Variants in FLCN observed in about 807,000 individuals in gnomAD.
FLCN encodes BHD skin lesion fibrofolliculoma protein.
A neutral mutation model predicts 62.5 loss-of-function variants in FLCN; 22 were observed. That is an observed-to-expected ratio of 0.35 (90% CI 0.25 to 0.50). FLCN has a LOEUF of 0.50. Ranked by LOEUF, FLCN falls within the 20% of genes least tolerant of loss-of-function variation. The probability of loss-of-function intolerance (pLI) is 0.97; values close to 1 mark genes in which losing one functional copy is unlikely to be tolerated. For synonymous variants in FLCN, 319 were observed against 310.0 expected (o/e 1.03, Z -0.30); for missense variants, 657 against 778.0 (o/e 0.84, Z 1.85).
chr17:17,236,750 C>G (rs1481970179), intron 1 of FLCN, among the ~76,000 whole-genome samples, 162 bp downstream of exon 1: 1 of 152,170 alleles, frequency 6.6e-6, no homozygotes, highest in Non-Finnish European at 1.5e-5. Context: ...GTCCTCATCC[C>G]CATAGACTTG....
At chr17:17,227,397 G>A (rs911525846) in intron 4 of FLCN, among the ~76,000 whole-genome samples, 3 of 152,116 alleles carry the variant, frequency 2.0e-5, no homozygotes, top group Admixed American at 1.3e-4. Context: ...GAAGGCCACG[G>A]CAGGGAGGCA....
In FLCN at chr17:17,222,831, T is replaced by C. The variant is rs976566311; in HGVS notation, c.619-170A>G. Reference sequence around the variant, plus strand: ...ACCAGTCCAATCATTCCCAACAGCATAGCTCTGCCCCGGCTACATCAGGAG... The same window carrying C: ...ACCAGTCCAATCATTCCCAACAGCACAGCTCTGCCCCGGCTACATCAGGAG... On this transcript the variant is annotated intron_variant, in intron 6 of 13. Transcript: ENST00000285071. 7.9e-6 allele frequency: 6 copies of C among 758,242 alleles called. No individual in the cohort carries two copies. The East Asian group carries it at 8.1e-5, about 10-fold the overall frequency. The allele number at this position is 758,242 out of a possible 1,614,324, so 47.0% of individuals were successfully genotyped here. A position where few individuals can be genotyped will look rare whatever the true frequency, so the allele number is the denominator to read the frequency against.
intron 1 of FLCN, among the ~76,000 whole-genome samples, chr17:17,234,883 G>A (rs1248490353): frequency 1.3e-5 from 2 of 151,804 alleles, no homozygotes; most frequent in Non-Finnish European, 2.9e-5. Context: ...AGGCCGAGGT[G>A]GGCAGATCAC....
chr17:17,222,565 G>C lies in FLCN; in HGVS notation c.715C>G (p.Arg239Gly). The change falls in exon 7 of 14, where the codon CGC becomes GGC. Residue 239 changes from arginine to glycine, a missense_variant. By Grantham distance (125) the Arg-to-Gly change is moderately radical. Coordinates refer to ENST00000285071, the MANE Select transcript of FLCN (RefSeq NM_144997.7). The stretch of plus-strand genomic sequence containing the variant: ...TCACTTGTCAGCGATGTCAGCGAGC[G>C]GGCGGCGTTGCCGTTCCTCTGGTGT... Reference protein sequence around the residue: ...FLHQRNGNAARSLTSLTSDDN... With the variant: ...FLHQRNGNAAGSLTSLTSDDN... 2 of 1,614,232 alleles carry C rather than the reference G, an allele frequency of 1.2e-6. No homozygotes were observed. Among genetic ancestry groups the C allele is most frequent in the Non-Finnish European group, 1.7e-6 (2 of 1,180,052 alleles).
rs2047295138 is a variant in FLCN at position 17,227,742 on chromosome 17, TAC to T, written c.249+145_249+146del. 29 of 1,138,510 alleles carry T rather than the reference TAC, an allele frequency of 2.5e-5. No individual in the cohort carries two copies. In the South Asian group the frequency reaches 3.4e-4, roughly 14 times the overall value. The allele number at this position is 1,138,510 out of a possible 1,614,324, so 70.5% of individuals were successfully genotyped here. A position where few individuals can be genotyped will look rare whatever the true frequency, so the allele number is the denominator to read the frequency against. On this transcript the variant is annotated intron_variant, in intron 4 of 13. Transcript: ENST00000285071. Reference sequence around the variant, plus strand: ...AAACAAAACAAAACAAAACAAAAGCTACAGTCAGGATGAGCGGAAAGAACTGA... The same window carrying T: ...AAACAAAACAAAACAAAACAAAAGCTAGTCAGGATGAGCGGAAAGAACTGA...
chr17:17,223,754 G>A (rs2144967051), intron 6 of FLCN, among the ~76,000 whole-genome samples, 168 bp downstream of exon 6: 1 of 152,358 alleles, frequency 6.6e-6, no homozygotes, highest in South Asian at 2.1e-4. Flanking sequence ...GGCCTGGGAG[G>A]CTCCTCACGA....
At chr17:17,227,733 A>T (rs1370734500) in intron 4 of FLCN, among the ~76,000 whole-genome samples, 156 bp downstream of exon 4, 1 of 152,080 alleles carries the variant, frequency 6.6e-6, no homozygotes, top group Non-Finnish European at 1.5e-5. Flanking sequence ...AACAAAACAA[A>T]ACAAAAGCTA....
intron 3 of FLCN, chr17:17,228,539 C>A: frequency 3.6e-6 from 1 of 278,128 alleles, no homozygotes; most frequent in Non-Finnish European, 7.1e-6. Context: ...GGAGAGGGTC[C>A]TCCACCCAAT....
rs1454895509 is a variant in FLCN, at chr17:17,230,529, C to CA, written c.-25+1264dup. Among the ~76,000 whole-genome samples, 9 of 150,600 alleles carry CA rather than the reference C, an allele frequency of 6.0e-5. No individual in the cohort carries two copies. The South Asian group carries it at 8.4e-4, about 14-fold the overall frequency. On this transcript the variant is annotated intron_variant, in intron 3 of 13. Coordinates refer to ENST00000285071, the MANE Select transcript of FLCN (RefSeq NM_144997.7). ...TGGGCAACAAAGTGAGACTCAGTCT[C>CA]AAAAAAAACCAAAAACAACAAAAAC... is the stretch of plus-strand genomic sequence containing the variant.
chr17:17,233,425 A>G (rs930069913), intron 1 of FLCN, among the ~76,000 whole-genome samples: 2 of 151,650 alleles, frequency 1.3e-5, no homozygotes, highest in Non-Finnish European at 2.9e-5. Context: ...GTGAAACCCC[A>G]TCTCTACTAA....
At chr17:17,223,841 C>T in intron 6 of FLCN, 81 bp downstream of exon 6, 1 of 1,448,982 alleles carries the variant, frequency 6.9e-7, no homozygotes, top group Admixed American at 1.7e-5. Flanking sequence ...GCCACGCGGT[C>T]TCCAGGCCTC....
Position 17,226,231 on chromosome 17 carries a change from T to C in FLCN, c.341A>G (p.His114Arg), listed in dbSNP as rs1567822713. ...GCGGACAATGCTGAAGAGCTGGGGG[T>C]GGCTGGGGTGCTGGTGGCTGACGTA... ...IKYVSHQHPS[H>R]PQLFSIVRQA... is the part of the protein sequence containing the mutation. The change falls in exon 5 of 14, where the codon CAC becomes CGC. Residue 114 changes from histidine (H) to arginine (R), a missense_variant. His to Arg is a conservative substitution (Grantham distance 29). Coordinates refer to ENST00000285071, the MANE Select transcript of FLCN (RefSeq NM_144997.7). 6.2e-7 allele frequency: 1 copy of C among 1,613,640 alleles called. No individual in the cohort carries two copies. The highest frequency in any genetic ancestry group is 8.5e-7 in the Non-Finnish European group (1 of 1,179,980).
chr17:17,228,192 C>T lies in FLCN; in HGVS notation c.-24-31G>A, dbSNP rs545337155. ...TGGGACAGGGGACATGTCAGCTTGC[C>T]AATGCCTATTGACTCCATGAAACCT... On this transcript the variant is annotated intron_variant, in intron 3 of 13. Coordinates refer to ENST00000285071, the MANE Select transcript of FLCN (RefSeq NM_144997.7). The T allele has an allele frequency of 2.3e-5, 37 of 1,596,130 alleles. No homozygotes were observed. In the East Asian group the frequency reaches 8.1e-4, roughly 35 times the overall value.
chr17:17,218,061 C>T (rs1419301202), intron 9 of FLCN, among the ~76,000 whole-genome samples: 2 of 152,230 alleles, frequency 1.3e-5, no homozygotes, highest in Non-Finnish European at 2.9e-5. Context: ...CAGTCTCACT[C>T]CATTTTCAAA....
rs560064929 is a variant in FLCN, at chr17:17,214,497, G to A, written c.1538+488C>T. Among the ~76,000 whole-genome samples the A allele has an allele frequency of 5.3e-5, 8 of 152,216 alleles. No individual in the cohort carries two copies. In the South Asian group the frequency reaches 1.7e-3, roughly 32 times the overall value. On this transcript the variant is annotated intron_variant, in intron 13 of 13. Coordinates refer to ENST00000285071, the MANE Select transcript of FLCN (RefSeq NM_144997.7). ...TAATCCCAGCTACTCCAGAGGCTGA[G>A]GCAGAAGAATCGCTTGAACCCGGGA...
intron 7 of FLCN, 98 bp from the exon 8 acceptor site, chr17:17,221,726 G>T: frequency 7.5e-7 from 1 of 1,332,302 alleles, no homozygotes; most frequent in Non-Finnish European, 1.0e-6. Context: ...AAGAAAAAAT[G>T]GGTATAAAAG....
At chr17:17,224,169 A>G (rs760373164) in intron 5 of FLCN, 26 bp from the exon 6 acceptor site, 6 of 1,552,966 alleles carry the variant, frequency 3.9e-6, no homozygotes, top group Non-Finnish European at 5.2e-6. Context: ...CGACTCAGAC[A>G]GCCCTTTCCT....
In FLCN at chr17:17,226,266, G is replaced by A. The variant is rs762265819; in HGVS notation, c.306C>T (p.Thr102=). The A allele has an allele frequency of 1.2e-6, 2 of 1,614,156 alleles. No individual in the cohort carries two copies. Among genetic ancestry groups the A allele is most frequent in the Admixed American group, 1.7e-5 (1 of 60,020 alleles). Residue 102 remains threonine (T), a synonymous_variant, in exon 5 of 14, where the codon ACC becomes ACT. Coordinates refer to ENST00000285071, the MANE Select transcript of FLCN (RefSeq NM_144997.7). ...GCTGGTGGCTGACGTATTTAATGGA[G>A]GTCTCTTTATCATGGCTGATATATC... is the stretch of plus-strand genomic sequence containing the variant. The part of the protein sequence containing the change: ...HPGYISHDKE[T]SIKYVSHQHP...
In FLCN at chr17:17,230,844, G is replaced by A. The variant is rs1001084215; in HGVS notation, c.-25+950C>T. Among the ~76,000 whole-genome samples, 3 of 152,244 alleles carry A rather than the reference G, an allele frequency of 2.0e-5. No homozygotes were observed. In the East Asian group the frequency reaches 5.8e-4, roughly 29 times the overall value. On this transcript the variant is annotated intron_variant, in intron 3 of 13. Transcript: ENST00000285071. ...GGAGGTGGAGGTTGCAGTGAGCTGA[G>A]ATCGTACTACTACATTCCAGCCTGG...
Sources: gnomAD v4.1 joint callset for allele counts (sites outside exome capture counted in the v4.1 genomes callset) on GRCh38, gnomAD v4.1.1 for gene constraint, MANE v1.5 for transcripts, NCBI Gene and HGNC (gene_info 2026-07-23, HGNC 2026-07-21) for gene names.